The following RGS12 variants were observed in gnomAD, a reference collection of about 807,000 sequenced individuals.
RGS12 encodes the protein regulator of G-protein signaling 12.
RGS12 carries 66 observed loss-of-function variants against 120.1 expected under a neutral mutation model. That is an observed-to-expected ratio of 0.55 (90% CI 0.45 to 0.67). The LOEUF (loss-of-function observed/expected upper bound fraction) is 0.67, where lower values mean the gene tolerates loss of function less well. RGS12 is among the 30% of genes least tolerant of loss of function. The pLI, the probability that RGS12 is intolerant of heterozygous loss-of-function variation, is 0.00. For missense variants in RGS12, 1,859 were observed against 1,957.7 expected (o/e 0.95, Z 0.95); for synonymous variants, 827 against 804.7 (o/e 1.03, Z -0.47).
At chr4:3,414,025 C>A in intron 4 of RGS12, 47 bp from the exon 5 acceptor site, 1 of 1,483,726 alleles carries the variant, frequency 6.7e-7, no homozygotes. Flanking sequence ...GTCACTGGGC[C>A]GGGGCGGAGG....
At chr4:3,358,922 C>T (rs116706125) in intron 3 of RGS12, among the ~76,000 whole-genome samples, 1,185 of 87,454 alleles carry the variant, frequency 0.014, 40 homozygotes, top group African/African-American at 0.049. Context: ...CCTCTCTGTC[C>T]CCCCCTCCTC....
intron 4 of RGS12, among the ~76,000 whole-genome samples, chr4:3,411,014 T>A (rs2109083153): frequency 6.6e-6 from 1 of 152,366 alleles, no homozygotes; most frequent in Non-Finnish European, 1.5e-5. Context: ...ACTGTATCAG[T>A]GTTGCCTTCG....
At chr4:3,382,369 C>G (rs1718354480) in intron 3 of RGS12, among the ~76,000 whole-genome samples, 1 of 152,200 alleles carries the variant, frequency 6.6e-6, no homozygotes, top group Non-Finnish European at 1.5e-5. Context: ...AGCTCCACTC[C>G]TGAGCACAGA....
intron 15 of RGS12, 96 bp from the exon 16 acceptor site, chr4:3,428,462 A>G: frequency 4.6e-6 from 5 of 1,087,110 alleles, no homozygotes; most frequent in Non-Finnish European, 6.7e-6. Context: ...GTATCAATGC[A>G]ATCTATTTCA....
chr4:3,438,097 TAGC>T (rs1281154311), intron 17 of RGS12, among the ~76,000 whole-genome samples: 1 of 151,980 alleles, frequency 6.6e-6, no homozygotes, highest in African/African-American at 2.4e-5. Context: ...CAGCAGTTGG[TAGC>T]AGGGACCCCC....
chr4:3,415,389 G>C (rs1271446994), intron 6 of RGS12, among the ~76,000 whole-genome samples: 1 of 152,196 alleles, frequency 6.6e-6, no homozygotes, highest in African/African-American at 2.4e-5. Flanking sequence ...AACGCCCTCA[G>C]CCACAGCTTT....
intron 2 of RGS12, among the ~76,000 whole-genome samples, chr4:3,320,491 G>C (rs1011991919): frequency 6.6e-6 from 1 of 152,230 alleles, no homozygotes; most frequent in Non-Finnish European, 1.5e-5. Context: ...GGCGATTGAG[G>C]TTTGGCTGTC....
At chr4:3,424,838 G>A (rs576308888) in intron 13 of RGS12, among the ~76,000 whole-genome samples, 3 of 152,310 alleles carry the variant, frequency 2.0e-5, no homozygotes, top group South Asian at 2.1e-4. Flanking sequence ...TGCTTCCCCC[G>A]CAGGGCCCAC....
intron 3 of RGS12, among the ~76,000 whole-genome samples, chr4:3,359,511 C>T (rs1194542526): frequency 7.2e-6 from 1 of 138,986 alleles, no homozygotes; most frequent in Non-Finnish European, 1.5e-5. Context: ...TAGAATTCAC[C>T]AGTGAAGCCC....
chr4:3,373,318 C>T lies in RGS12; in HGVS notation c.1999-13098C>T, dbSNP rs149227336. 6.4e-3 allele frequency among the ~76,000 whole-genome samples: 968 copies of T among 152,276 alleles called. 3 individuals carry two copies. The highest frequency in any genetic ancestry group is 9.7e-3 in the Non-Finnish European group (658 of 68,022). On this transcript the variant is annotated intron_variant, in intron 3 of 17. Transcript: ENST00000336727. ...CCCCGACAGAGAGTCCCAGCCCCTG[C>T]GGGACCAGGTTGTGTTAGGGCCTGA...
Position 3,372,207 on chromosome 4 carries a change from G to A in RGS12, c.1999-14209G>A, listed in dbSNP as rs549735572. ...GGAAGAGAGCCCTTGTGGTCTGTCT[G>A]CGCACCCCTCCCAGGGTGCCCTGCT... On this transcript the variant is annotated intron_variant, in intron 3 of 17. Coordinates refer to ENST00000336727, the MANE Select transcript of RGS12 (RefSeq NM_001394154.1). The surrounding 1 kb of genome is among the most constrained non-coding windows in gnomAD (Gnocchi z 4.3). Among the ~76,000 whole-genome samples, 2 of 152,196 alleles carry A rather than the reference G, an allele frequency of 1.3e-5. No individual in the cohort carries two copies. The highest frequency in any genetic ancestry group is 2.9e-5 in the Non-Finnish European group (2 of 68,024).
intron 7 of RGS12, 56 bp downstream of exon 7, chr4:3,416,177 G>A (rs1722380206): frequency 6.3e-7 from 1 of 1,590,954 alleles, no homozygotes; most frequent in African/African-American, 1.3e-5. Flanking sequence ...CGGGGTATAG[G>A]GTCCACCTTC....
At chr4:3,321,352 C>G (rs1356541931) in intron 2 of RGS12, among the ~76,000 whole-genome samples, 2 of 152,058 alleles carry the variant, frequency 1.3e-5, no homozygotes, top group Non-Finnish European at 2.9e-5. Flanking sequence ...TCCCCAGTCC[C>G]CAGGAAAAAC....
intron 2 of RGS12, among the ~76,000 whole-genome samples, chr4:3,335,137 A>G (rs541123583): frequency 6.6e-6 from 1 of 152,274 alleles, no homozygotes; most frequent in South Asian, 2.1e-4. Context: ...TAATATCTCT[A>G]CTTAAATGTC....
intron 4 of RGS12, among the ~76,000 whole-genome samples, chr4:3,400,906 G>C (rs186048000): frequency 1.3e-5 from 2 of 151,672 alleles, no homozygotes; most frequent in African/African-American, 4.8e-5. Flanking sequence ...GAATAGGCAA[G>C]GATGTTCTCT....
chr4:3,416,334 G>A (rs1208267911), intron 7 of RGS12, among the ~76,000 whole-genome samples: 2 of 152,168 alleles, frequency 1.3e-5, no homozygotes, highest in East Asian at 3.9e-4. Flanking sequence ...AATAAGTCCC[G>A]AACCACTGCG....
chr4:3,314,663 C>G (rs991499475), intron 1 of RGS12: 4 of 152,244 alleles, frequency 2.6e-5, no homozygotes, highest in Admixed American at 2.0e-4. Context: ...CTCGGCCTCC[C>G]AAAGCGCTGG....
chr4:3,396,025 T>C (rs1720015828), intron 4 of RGS12, among the ~76,000 whole-genome samples: 1 of 152,252 alleles, frequency 6.6e-6, no homozygotes, highest in Non-Finnish European at 1.5e-5. Flanking sequence ...AAATGGTATG[T>C]AAACAGTTGT....
intron 3 of RGS12, among the ~76,000 whole-genome samples, chr4:3,382,347 T>C (rs1459836866): frequency 1.3e-5 from 2 of 152,170 alleles, no homozygotes; most frequent in African/African-American, 4.8e-5. Context: ...TCAGTCCCTC[T>C]GCCTCCTCCT....
Sources: allele counts gnomAD v4.1 joint callset (sites outside exome capture counted in the v4.1 genomes callset), GRCh38; gene constraint gnomAD v4.1.1; non-coding constraint Gnocchi (gnomAD v3.1); transcripts MANE v1.5; gene names NCBI Gene and HGNC (gene_info 2026-07-23, HGNC 2026-07-21).